The following LRRFIP2 variants were observed in gnomAD, a reference collection of about 807,000 sequenced individuals.
The protein encoded by LRRFIP2 is LRR binding FLII interacting protein 2.
In LRRFIP2, 109 loss-of-function variants were observed where a neutral mutation model predicts 125.9. The observed-to-expected ratio is 0.87, with a 90% confidence interval of 0.74 to 1.01. The LOEUF (loss-of-function observed/expected upper bound fraction) is 1.01, where lower values mean the gene tolerates loss of function less well. Ranked by LOEUF, LRRFIP2 falls within the 50% of genes least tolerant of loss-of-function variation. The pLI, the probability that LRRFIP2 is intolerant of heterozygous loss-of-function variation, is 0.00. For missense variants in LRRFIP2, 850 were observed against 862.3 expected, an observed-to-expected ratio of 0.99 and a Z score of 0.18; for synonymous variants, 291 against 293.1, an observed-to-expected ratio of 0.99 and a Z score of 0.07.
At position 37,099,123 on chromosome 3, in the gene LRRFIP2, G is replaced by A. The variant is rs545961010; in HGVS notation, c.874-2463C>T. Among the ~76,000 whole-genome samples, 8 of 152,230 alleles carry A rather than the reference G, an allele frequency of 5.3e-5. No homozygotes were observed. In the East Asian group the frequency reaches 7.7e-4, roughly 15 times the overall value. On this transcript the variant is annotated intron_variant, in intron 15 of 27. Transcript: ENST00000336686. Reference sequence around the variant, plus strand: ...CCAAACTGATCATGCACCAAACCTCGGAGATTGTCAAGCCAGCAAAAATTA... The same window carrying A: ...CCAAACTGATCATGCACCAAACCTCAGAGATTGTCAAGCCAGCAAAAATTA...
At chr3:37,096,243 T>C (rs1053564125) in intron 16 of LRRFIP2, among the ~76,000 whole-genome samples, 11 of 152,314 alleles carry the variant, frequency 7.2e-5, no homozygotes, top group Admixed American at 3.3e-4. Context: ...GGAGTTATTT[T>C]ACTTCAAGAA....
intron 24 of LRRFIP2, among the ~76,000 whole-genome samples, 170 bp from the exon 25 acceptor site, chr3:37,059,080 A>G (rs2087755575): frequency 6.6e-6 from 1 of 152,246 alleles, no homozygotes; most frequent in Non-Finnish European, 1.5e-5. Context: ...CCTAGGTGCT[A>G]AAGATAAGCT....
chr3:37,145,863 C>T (rs552388282), intron 2 of LRRFIP2, among the ~76,000 whole-genome samples: 3 of 152,158 alleles, frequency 2.0e-5, no homozygotes, highest in African/African-American at 7.2e-5. Flanking sequence ...TTCCTAGCTA[C>T]GTAACCTTGG....
intron 4 of LRRFIP2, among the ~76,000 whole-genome samples, chr3:37,122,956 T>C (rs888919811): frequency 1.2e-4 from 18 of 152,238 alleles, no homozygotes; most frequent in African/African-American, 4.3e-4. Context: ...TAATGTGTGC[T>C]GACTGAAAAT....
intron 2 of LRRFIP2, chr3:37,135,166 A>T (rs1242256436): frequency 6.0e-5 from 20 of 335,668 alleles, no homozygotes; most frequent in Admixed American, 4.1e-4. Flanking sequence ...ATTACTGTTT[A>T]AAAAAAAAAA....
At chr3:37,087,971 T>C (rs1240947559) in intron 18 of LRRFIP2, among the ~76,000 whole-genome samples, 1 of 152,178 alleles carries the variant, frequency 6.6e-6, no homozygotes, top group Admixed American at 6.6e-5. Flanking sequence ...TGGGTAAAAA[T>C]GCAAATTTCC....
chr3:37,096,535 T>C (rs1050535839), intron 16 of LRRFIP2, 81 bp downstream of exon 16: 29 of 878,742 alleles, frequency 3.3e-5, no homozygotes, highest in Non-Finnish European at 5.2e-5. Flanking sequence ...AGACCAATTG[T>C]TGTAAAATAA....
In LRRFIP2 at chr3:37,053,952, C is replaced by T; in HGVS notation, c.2065G>A (p.Ala689Thr). Residue 689 changes from alanine to threonine, a missense_variant, in exon 28 of 28, where the codon GCA becomes ACA. Physicochemically the swap from Ala to Thr is moderately conservative, Grantham distance 58. Transcript: ENST00000336686. ...KRKLQRELRT[A>T]LDKIEEMEMT... ...TCCATCTCCTCAATCTTGTCCAGTG[C>T]TGTTCGTAACTGGAGACAGGGAGAA... is the stretch of plus-strand genomic sequence containing the variant. The T allele has an allele frequency of 6.3e-7, 1 of 1,592,186 alleles. No individual in the cohort carries two copies. The highest frequency in any genetic ancestry group is 8.6e-7 in the Non-Finnish European group (1 of 1,159,986).
intron 4 of LRRFIP2, among the ~76,000 whole-genome samples, chr3:37,126,179 G>C (rs563439200): frequency 6.6e-6 from 1 of 152,068 alleles, no homozygotes; most frequent in Non-Finnish European, 1.5e-5. Context: ...ACAGGCGCCC[G>C]CCAGCGTGCC....
chr3:37,100,784 T>C (rs1376671782), intron 15 of LRRFIP2, among the ~76,000 whole-genome samples: 6 of 152,004 alleles, frequency 3.9e-5, no homozygotes, highest in Admixed American at 1.3e-4. Flanking sequence ...AAAACGGGGA[T>C]TGCTAGGCAA....
intron 19 of LRRFIP2, among the ~76,000 whole-genome samples, chr3:37,080,907 G>C (rs931948853): frequency 6.6e-6 from 1 of 152,052 alleles, no homozygotes; most frequent in African/African-American, 2.4e-5. Context: ...TGAAACTACT[G>C]AAATTTTAAC....
chr3:37,082,074 T>C (rs2092691814), intron 19 of LRRFIP2, among the ~76,000 whole-genome samples: 1 of 152,120 alleles, frequency 6.6e-6, no homozygotes, highest in African/African-American at 2.4e-5. Flanking sequence ...ATAATTCATT[T>C]TAGTAATGAC....
At chr3:37,157,895 TC>T (rs1223988260) in intron 1 of LRRFIP2, among the ~76,000 whole-genome samples, 1 of 152,250 alleles carries the variant, frequency 6.6e-6, no homozygotes, top group Non-Finnish European at 1.5e-5. Flanking sequence ...ACTTTTATAG[TC>T]ATTTGTCCTA....
chr3:37,152,352 C>T (rs1033812125), intron 1 of LRRFIP2, among the ~76,000 whole-genome samples: 1 of 152,186 alleles, frequency 6.6e-6, no homozygotes. Context: ...CCATAAACTG[C>T]TTGGGTGACA....
intron 1 of LRRFIP2, among the ~76,000 whole-genome samples, chr3:37,152,933 C>CA (rs1336818993): frequency 6.6e-6 from 1 of 151,980 alleles, no homozygotes; most frequent in Non-Finnish European, 1.5e-5. Context: ...AAGCAGGAAA[C>CA]AAAAATGTAA....
At chr3:37,112,297 T>C (rs937293052) in intron 8 of LRRFIP2, among the ~76,000 whole-genome samples, 1 of 138,688 alleles carries the variant, frequency 7.2e-6, no homozygotes, top group Non-Finnish European at 1.5e-5. Flanking sequence ...GATCGCGCCA[T>C]GCACTCCAGC....
Position 37,108,626 on chromosome 3 carries a change from T to A in LRRFIP2, c.657+11A>T. 1 of 1,603,716 alleles carries A rather than the reference T, an allele frequency of 6.2e-7. No homozygotes were observed. Among genetic ancestry groups the A allele is most frequent in the Non-Finnish European group, 8.5e-7 (1 of 1,171,416 alleles). On this transcript the variant is annotated intron_variant, in intron 12 of 27. Coordinates refer to ENST00000336686, the MANE Select transcript of LRRFIP2 (RefSeq NM_006309.4). ...CCCTCCTCTTCACCACCTTCCCCTA[T>A]TTAGACTTACAGTTCGAGGACCATA...
chr3:37,088,417 C>T (rs1011741718), intron 18 of LRRFIP2, among the ~76,000 whole-genome samples: 2 of 151,896 alleles, frequency 1.3e-5, no homozygotes, highest in African/African-American at 4.8e-5. Context: ...TGGCTCACAC[C>T]TGTAATCCCA....
upstream of LRRFIP2, chr3:37,175,859 ACGGG>A (rs1227733198): frequency 2.2e-4 from 34 of 152,110 alleles, 1 homozygote; most frequent in Non-Finnish European, 2.9e-5. Context: ...TAGAAATCAG[ACGGG>A]ATGTCTGAGA....
Sources: allele counts gnomAD v4.1 joint callset (sites outside exome capture counted in the v4.1 genomes callset), GRCh38; gene constraint gnomAD v4.1.1; transcripts MANE v1.5; gene names NCBI Gene and HGNC (gene_info 2026-07-23, HGNC 2026-07-21).